SAMMSON: variants seen among roughly 807,000 people sequenced by gnomAD.
SAMMSON encodes the protein long intergenic non-protein coding RNA 1212.
intron 9 of SAMMSON, among the ~76,000 whole-genome samples, chr3:70,368,220 T>C (rs1422810502): frequency 1.3e-5 from 2 of 151,580 alleles, no homozygotes; most frequent in Non-Finnish European, 3.0e-5. Context: ...TCCAATGTTT[T>C]CTTATTTACT....
intron 4 of SAMMSON, among the ~76,000 whole-genome samples, chr3:70,230,949 C>T (rs748123022): frequency 8.5e-5 from 13 of 152,180 alleles, no homozygotes; most frequent in Non-Finnish European, 1.5e-4. Context: ...AGACCACAAC[C>T]TGATCCCATT....
chr3:70,092,822 G>T (rs564744971), intron 4 of SAMMSON, among the ~76,000 whole-genome samples: 53 of 151,694 alleles, frequency 3.5e-4, no homozygotes, highest in East Asian at 1.2e-3. Context: ...TGTGGAAGAG[G>T]TACCTGAGAC....
chr3:70,231,272 A>C (rs146089926), intron 4 of SAMMSON, among the ~76,000 whole-genome samples: 1 of 152,320 alleles, frequency 6.6e-6, no homozygotes, highest in East Asian at 1.9e-4. Flanking sequence ...CTGGCGGCAC[A>C]CGTTCGCTTA....
chr3:70,331,180 C>G (rs767722389), intron 7 of SAMMSON, among the ~76,000 whole-genome samples: 1 of 152,114 alleles, frequency 6.6e-6, no homozygotes, highest in African/African-American at 2.4e-5. Context: ...TCAGAAATCT[C>G]TTCTGTAACA....
chr3:70,191,387 G>T (rs916365523), intron 4 of SAMMSON, among the ~76,000 whole-genome samples: 6 of 152,178 alleles, frequency 3.9e-5, no homozygotes, highest in Admixed American at 3.9e-4. Flanking sequence ...AGAACCCTCT[G>T]GTGGAATGCT....
intron 4 of SAMMSON, among the ~76,000 whole-genome samples, chr3:70,186,632 G>A (rs1009831715): frequency 3.3e-5 from 5 of 152,206 alleles, no homozygotes; most frequent in Admixed American, 3.3e-4. Context: ...TTCATTGATG[G>A]CACCGAATTG....
chr3:70,357,997 C>T (rs1013610311), intron 8 of SAMMSON, among the ~76,000 whole-genome samples: 1 of 151,962 alleles, frequency 6.6e-6, no homozygotes, highest in African/African-American at 2.4e-5. Context: ...GATTAAGTAC[C>T]AGAAGGTCTG....
chr3:70,186,523 G>A (rs1032877305), intron 4 of SAMMSON, among the ~76,000 whole-genome samples: 5 of 151,942 alleles, frequency 3.3e-5, no homozygotes, highest in Non-Finnish European at 5.9e-5. Flanking sequence ...TGACCCTCCC[G>A]CCTCTGCCCC....
At chr3:70,136,648 C>G (rs901117880) in intron 4 of SAMMSON, among the ~76,000 whole-genome samples, 9 of 152,042 alleles carry the variant, frequency 5.9e-5, no homozygotes, top group Non-Finnish European at 1.3e-4. Context: ...GAGTAATTTG[C>G]CATGCAGTAA....
At chr3:70,137,690 T>C (rs975968118) in intron 4 of SAMMSON, 1 of 152,196 alleles carries the variant, frequency 6.6e-6, no homozygotes, top group Non-Finnish European at 1.5e-5. Context: ...ATGGCCACAG[T>C]TTTTAAAATA....
intron 7 of SAMMSON, among the ~76,000 whole-genome samples, chr3:70,293,894 T>G (rs1350973950): frequency 6.6e-6 from 1 of 152,000 alleles, no homozygotes; most frequent in Non-Finnish European, 1.5e-5. Flanking sequence ...TGTTACATGT[T>G]GAAGCCTAAA....
At chr3:70,383,073 C>T (rs1349302188) in intron 9 of SAMMSON, among the ~76,000 whole-genome samples, 1 of 152,062 alleles carries the variant, frequency 6.6e-6, no homozygotes, top group Non-Finnish European at 1.5e-5. Flanking sequence ...AGGTAACTTC[C>T]CTTCATAACT....
rs529601250 is a variant in SAMMSON at position 70,339,244 on chromosome 3, A to G, written n.740-14931A>G. Among the ~76,000 whole-genome samples the G allele has an allele frequency of 2.1e-4, 32 of 152,314 alleles. 1 individual carries two copies. Among genetic ancestry groups the G allele is most frequent in the South Asian group, 1.7e-3 (8 of 4,824 alleles). Reference sequence around the variant, plus strand: ...ATCCCTTCCTTACACCTTATACAAAAATTAATTCAAGATGGATTAAAGACT... The same window carrying G: ...ATCCCTTCCTTACACCTTATACAAAGATTAATTCAAGATGGATTAAAGACT... On this transcript the variant is annotated intron_variant and non_coding_transcript_variant, in intron 7 of 9. Transcript: ENST00000642114.
intron 4 of SAMMSON, among the ~76,000 whole-genome samples, chr3:70,133,332 G>A (rs192427936): frequency 6.6e-6 from 1 of 152,326 alleles, no homozygotes; most frequent in African/African-American, 2.4e-5. Context: ...GGTTCAGAGA[G>A]CTTCCGAGCT....
intron 4 of SAMMSON, among the ~76,000 whole-genome samples, chr3:70,121,078 C>T (rs191035196): frequency 6.6e-6 from 1 of 152,306 alleles, no homozygotes; most frequent in East Asian, 1.9e-4. Context: ...TAGATTCTCA[C>T]AAGGAGCACG....
At chr3:70,224,749 C>T (rs944394614) in intron 4 of SAMMSON, among the ~76,000 whole-genome samples, 7 of 151,964 alleles carry the variant, frequency 4.6e-5, no homozygotes, top group Non-Finnish European at 7.4e-5. Flanking sequence ...CCATTGCGCT[C>T]GGCAAAATGC....
chr3:70,289,086 A>G (rs1702199134), intron 6 of SAMMSON, among the ~76,000 whole-genome samples: 1 of 151,544 alleles, frequency 6.6e-6, no homozygotes, highest in Non-Finnish European at 1.5e-5. Context: ...TTATGTGTGT[A>G]TTTGATCCTG....
chr3:70,320,032 G>A (rs1365074199), intron 7 of SAMMSON, among the ~76,000 whole-genome samples: 1 of 151,952 alleles, frequency 6.6e-6, no homozygotes, highest in African/African-American at 2.4e-5. Flanking sequence ...GTAGATGGAG[G>A]CATCTAGATG....
intron 4 of SAMMSON, among the ~76,000 whole-genome samples, chr3:70,111,769 A>C (rs2067390539): frequency 6.6e-6 from 1 of 151,892 alleles, no homozygotes; most frequent in Non-Finnish European, 1.5e-5. Flanking sequence ...TTCCAGAAAC[A>C]AAAAAATGTT....
Sources: gnomAD v4.1 joint callset for allele counts (sites outside exome capture counted in the v4.1 genomes callset) on GRCh38, gnomAD v4.1.1 for gene constraint, MANE v1.5 for transcripts, NCBI Gene and HGNC (gene_info 2026-07-23, HGNC 2026-07-21) for gene names.